Variants in MRPS9 observed in about 807,000 individuals in gnomAD.
The protein encoded by MRPS9 is mitochondrial ribosomal protein S9, also known as small ribosomal subunit protein uS9m.
MRPS9 carries 45 observed loss-of-function variants against 59.9 expected under a neutral mutation model. The observed-to-expected ratio is 0.75, with a 90% confidence interval of 0.59 to 0.96. The LOEUF is 0.96. Ranked by LOEUF, MRPS9 falls within the 40% of genes least tolerant of loss-of-function variation. The probability of loss-of-function intolerance (pLI) is 0.00; values close to 1 mark genes in which losing one functional copy is unlikely to be tolerated. For synonymous variants in MRPS9, 171 were observed against 166.8 expected, an observed-to-expected ratio of 1.03 and a Z score of -0.19; for missense variants, 473 against 481.1, an observed-to-expected ratio of 0.98 and a Z score of 0.16.
chr2:105,063,211 G>C (rs888659146), intron 2 of MRPS9, among the ~76,000 whole-genome samples: 4 of 152,216 alleles, frequency 2.6e-5, no homozygotes, highest in Non-Finnish European at 5.9e-5. Flanking sequence ...CAAGGCTGTA[G>C]TGCGCCATGA....
At position 105,069,989 on chromosome 2, in the gene MRPS9, G is replaced by A. The variant is rs1454745016; in HGVS notation, c.316-1324G>A. 2.6e-5 allele frequency among the ~76,000 whole-genome samples: 4 copies of A among 152,150 alleles called. No individual in the cohort carries two copies. In the East Asian group the frequency reaches 5.8e-4, roughly 22 times the overall value. On this transcript the variant is annotated intron_variant, in intron 2 of 10. Transcript: ENST00000258455. ...ATTGTGTCACTGCACTCCAGCCTCA[G>A]CGACAGAGTGAGGTTCTGATCTAAT... is the stretch of plus-strand genomic sequence containing the variant.
chr2:105,051,266 C>T (rs1310629211), intron 2 of MRPS9, among the ~76,000 whole-genome samples: 1 of 152,156 alleles, frequency 6.6e-6, no homozygotes, highest in Non-Finnish European at 1.5e-5. Flanking sequence ...TACATATGGA[C>T]ATTCAGTTGT....
chr2:105,086,218 T>G (rs1204882652), intron 5 of MRPS9, among the ~76,000 whole-genome samples: 2 of 152,108 alleles, frequency 1.3e-5, no homozygotes, highest in African/African-American at 4.8e-5. Flanking sequence ...GTGTATGGAG[T>G]GGCTTAATGG....
At chr2:105,088,534 TAGTA>T (rs2104466517) in intron 5 of MRPS9, among the ~76,000 whole-genome samples, 1 of 152,214 alleles carries the variant, frequency 6.6e-6, no homozygotes, top group South Asian at 2.1e-4. Flanking sequence ...ATTAAATAAG[TAGTA>T]AGTCGTATTA....
intron 1 of MRPS9, among the ~76,000 whole-genome samples, chr2:105,042,029 A>T (rs1679511095): frequency 6.6e-6 from 1 of 152,244 alleles, no homozygotes; most frequent in African/African-American, 2.4e-5. Flanking sequence ...GCTTCATTGT[A>T]ATTAGGATGA....
At chr2:105,048,685 G>A (rs188333657) in intron 1 of MRPS9, among the ~76,000 whole-genome samples, 9 of 151,874 alleles carry the variant, frequency 5.9e-5, no homozygotes, top group East Asian at 1.9e-4. Flanking sequence ...AAGATAGGAC[G>A]TATTTTTACC....
At chr2:105,090,783 A>G (rs1483195349) in intron 7 of MRPS9, among the ~76,000 whole-genome samples, 1 of 152,090 alleles carries the variant, frequency 6.6e-6, no homozygotes, top group Admixed American at 6.6e-5. Flanking sequence ...CAAGATGGAG[A>G]TTTTCTTTGA....
At chr2:105,042,009 C>G (rs1315312736) in intron 1 of MRPS9, among the ~76,000 whole-genome samples, 1 of 152,200 alleles carries the variant, frequency 6.6e-6, no homozygotes, top group Non-Finnish European at 1.5e-5. Context: ...ACTAAACTTT[C>G]TTGTACAATG....
intron 1 of MRPS9, among the ~76,000 whole-genome samples, chr2:105,041,150 A>G (rs1679494505): frequency 6.6e-6 from 1 of 152,180 alleles, no homozygotes; most frequent in Non-Finnish European, 1.5e-5. Context: ...TGTTAGCATT[A>G]TTATGAGCAG....
rs370548113 is a variant in MRPS9 at position 105,093,606 on chromosome 2, T to A, written c.897T>A (p.Asp299Glu). The stretch of plus-strand genomic sequence containing the variant: ...GAAGAATAAAAGTAAATGGAATTGA[T>A]TACCAGCTTTACTTCCCGATCACAC... ...GSGRIKVNGIDYQLYFPITQD... is the reference protein window; with the variant it reads ...GSGRIKVNGIEYQLYFPITQD... Residue 299 changes from aspartate to glutamate, a missense_variant, in exon 9 of 11, where the codon GAT becomes GAA. Asp to Glu is a conservative substitution (Grantham distance 45). Transcript: ENST00000258455. The A allele has an allele frequency of 1.2e-6, 2 of 1,606,040 alleles. No homozygotes were observed. Among genetic ancestry groups the A allele is most frequent in the African/African-American group, 2.7e-5 (2 of 74,688 alleles).
intron 8 of MRPS9, 85 bp downstream of exon 8, chr2:105,092,654 C>A (rs1356895952): frequency 2.6e-6 from 3 of 1,165,904 alleles, no homozygotes; most frequent in Non-Finnish European, 3.5e-6. Context: ...TTTCTGGTAT[C>A]CATTAGATTT....
Position 105,038,165 on chromosome 2 carries a change from G to T in MRPS9, c.73G>T (p.Ala25Ser), listed in dbSNP as rs1422229689. ...TCTTCTCTGGGGTAGGGGTAGCCTC[G>T]CCCGGAAGCAAGGCCTCTGGAAAAC... ...RLLLWGRGSL[A>S]RKQGLWKTAA... is the part of the protein sequence containing the mutation. Residue 25 changes from alanine (A) to serine (S), a missense_variant, in exon 1 of 11, where the codon GCC (alanine) becomes TCC (serine). By Grantham distance (99) the Ala-to-Ser change is moderately conservative (BLOSUM62 1). Transcript: ENST00000258455. The T allele has an allele frequency of 2.5e-6, 4 of 1,613,524 alleles. No individual in the cohort carries two copies. The highest frequency in any genetic ancestry group is 3.4e-6 in the Non-Finnish European group (4 of 1,179,792).
At chr2:105,088,959 G>A (rs1285555769) in intron 5 of MRPS9, 25 bp from the exon 6 acceptor site, 6 of 1,497,006 alleles carry the variant, frequency 4.0e-6, no homozygotes, top group Non-Finnish European at 5.5e-6. Context: ...TTTTTAGCAT[G>A]TACTGTATAT....
chr2:105,089,149 C>T, intron 6 of MRPS9, 80 bp downstream of exon 6: 1 of 1,006,938 alleles, frequency 9.9e-7, no homozygotes, highest in Non-Finnish European at 1.5e-6. Flanking sequence ...TTTAGACATA[C>T]CTGAAGCCTA....
intron 2 of MRPS9, among the ~76,000 whole-genome samples, chr2:105,054,630 G>A (rs560320398): frequency 2.1e-5 from 3 of 141,264 alleles, no homozygotes; most frequent in East Asian, 2.1e-4. Flanking sequence ...TTTTGGTATC[G>A]CATTTTATTA....
chr2:105,080,394 C>T (rs10202663), intron 5 of MRPS9, among the ~76,000 whole-genome samples: 10,476 of 152,072 alleles, frequency 0.069, 507 homozygotes, highest in East Asian at 0.27. Flanking sequence ...ATGATGCTGT[C>T]GGGGGCTGTG....
chr2:105,077,085 A>G (rs958581789), intron 4 of MRPS9, among the ~76,000 whole-genome samples: 2 of 152,094 alleles, frequency 1.3e-5, no homozygotes, highest in African/African-American at 2.4e-5. Context: ...CATCTCTACT[A>G]AAAATACAAA....
intron 5 of MRPS9, among the ~76,000 whole-genome samples, chr2:105,083,605 G>A (rs962983491): frequency 1.8e-4 from 27 of 152,190 alleles, no homozygotes; most frequent in African/African-American, 6.5e-4. Flanking sequence ...TAACCCTTTT[G>A]TAAAACATGG....
chr2:105,041,443 G>T (rs1334233936), intron 1 of MRPS9, among the ~76,000 whole-genome samples: 1 of 151,982 alleles, frequency 6.6e-6, no homozygotes, highest in Non-Finnish European at 1.5e-5. Flanking sequence ...ATCTGCCAGA[G>T]AAGTGATCAA....
Sources: allele counts gnomAD v4.1 joint callset (sites outside exome capture counted in the v4.1 genomes callset), GRCh38; gene constraint gnomAD v4.1.1; transcripts MANE v1.5; gene names NCBI Gene and HGNC (gene_info 2026-07-23, HGNC 2026-07-21).